Variants in NFX1 observed in about 807,000 individuals in gnomAD.
NFX1 encodes nuclear transcription factor, X-box binding 1.
A neutral mutation model predicts 137.2 loss-of-function variants in NFX1; 69 were observed. The ratio of observed to expected loss-of-function variants is 0.50; its 90% CI spans 0.41 to 0.61. The LOEUF (loss-of-function observed/expected upper bound fraction) is 0.61. Among genes scored for constraint, NFX1 ranks in the 20% least tolerant of loss-of-function variants. The pLI, the probability that NFX1 is intolerant of heterozygous loss-of-function variation, is 0.00. For missense variants in NFX1, 1,167 were observed against 1,391.0 expected (o/e 0.84, Z 2.56); for synonymous variants, 495 against 474.1 (o/e 1.04, Z -0.57).
intron 2 of NFX1, among the ~76,000 whole-genome samples, chr9:33,297,620 G>C (rs1320216553): frequency 1.3e-5 from 2 of 152,218 alleles, no homozygotes; most frequent in African/African-American, 4.8e-5. Context: ...TTCAGTCACT[G>C]GTTGTTGGTA....
At chr9:33,320,649 CTT>C (rs1822350854) in intron 9 of NFX1, among the ~76,000 whole-genome samples, 1 of 152,150 alleles carries the variant, frequency 6.6e-6, no homozygotes, top group South Asian at 2.1e-4. Context: ...CTGACTCAGT[CTT>C]TTGGGAATGT....
intron 19 of NFX1, among the ~76,000 whole-genome samples, chr9:33,357,797 G>A (rs1823861761): frequency 6.7e-6 from 1 of 149,928 alleles, no homozygotes; most frequent in Admixed American, 6.7e-5. Flanking sequence ...CTCCTGCCTT[G>A]GCCCCACAAA....
Position 33,294,572 on chromosome 9 carries a change from G to C in NFX1, c.178G>C (p.Val60Leu), listed in dbSNP as rs756577903. Reference sequence around the variant, plus strand: ...ACCTCCCTGTCACCTTTCCAGGCAGGTCCCTTATGATGAAATCTCTGCTGT... The same window carrying C: ...ACCTCCCTGTCACCTTTCCAGGCAGCTCCCTTATGATGAAATCTCTGCTGT... ...SPPPCHLSRQ[V>L]PYDEISAVHQ... Residue 60 changes from valine to leucine, a missense_variant, in exon 2 of 24, where the codon GTC becomes CTC. This residue lies in a region of NFX1 where 367 missense variants were observed against 386.7 expected (regional missense o/e 0.95). Coordinates refer to ENST00000379540, the MANE Select transcript of NFX1 (RefSeq NM_002504.6). The C allele has an allele frequency of 7.4e-6, 12 of 1,614,150 alleles. No homozygotes were observed. In the South Asian group the frequency reaches 1.3e-4, roughly 18 times the overall value.
intron 13 of NFX1, among the ~76,000 whole-genome samples, 172 bp from the exon 14 acceptor site, chr9:33,343,897 T>C (rs1217902182): frequency 6.6e-6 from 1 of 152,218 alleles, no homozygotes; most frequent in Non-Finnish European, 1.5e-5. Context: ...CCAGCTTAGC[T>C]TTAATAAAAT....
At chr9:33,334,934 C>T (rs1010883219) in intron 11 of NFX1, among the ~76,000 whole-genome samples, 28 of 152,196 alleles carry the variant, frequency 1.8e-4, no homozygotes, top group African/African-American at 6.5e-4. Context: ...AATGAATCCC[C>T]ACGTACCTAT....
At chr9:33,327,457 C>T (rs1336866786) in intron 9 of NFX1, among the ~76,000 whole-genome samples, 1 of 152,204 alleles carries the variant, frequency 6.6e-6, no homozygotes, top group Non-Finnish European at 1.5e-5. Context: ...CTCCGCCTCC[C>T]AGGTTCAAGC....
At chr9:33,369,679 A>G (rs1290323880) in intron 23 of NFX1, among the ~76,000 whole-genome samples, 3 of 152,250 alleles carry the variant, frequency 2.0e-5, no homozygotes, top group African/African-American at 4.8e-5. Context: ...AGAATTTGTT[A>G]TCTCACAGAA....
chr9:33,342,557 C>T (rs974537464), intron 12 of NFX1, among the ~76,000 whole-genome samples, 189 bp from the exon 13 acceptor site: 7 of 152,214 alleles, frequency 4.6e-5, no homozygotes, highest in African/African-American at 1.7e-4. Flanking sequence ...CAGTATTGAT[C>T]ACCTCATGAC....
chr9:33,364,196 G>A (rs1425949723), intron 20 of NFX1, 88 bp downstream of exon 20: 7 of 806,388 alleles, frequency 8.7e-6, no homozygotes, highest in African/African-American at 1.8e-5. Flanking sequence ...TACTCCTCCT[G>A]TGATTAAGCC....
At position 33,367,508 on chromosome 9, in the gene NFX1, T is replaced by G. The variant is rs1412921817; in HGVS notation, c.3186-7T>G. 3 of 1,613,496 alleles carry G rather than the reference T, an allele frequency of 1.9e-6. No homozygotes were observed. The highest frequency in any genetic ancestry group is 2.5e-6 in the Non-Finnish European group (3 of 1,179,562). ...TTTTCAATGCTTGGTGTTTTGACTT[T>G]TATCAGGGGGAAGTCCGTTTGTCCT... On this transcript the variant is annotated splice_region_variant and splice_polypyrimidine_tract_variant and intron_variant, in intron 22 of 23. Coordinates refer to ENST00000379540, the MANE Select transcript of NFX1 (RefSeq NM_002504.6).
chr9:33,295,236 T>A lies in NFX1; in HGVS notation c.842T>A (p.Ile281Asn), dbSNP rs1821311333. ...NAGHRNNMGP[I>N]PKDDLNERPA... is the part of the protein sequence containing the mutation. ...GGACACAGAAACAACATGGGCCCCA[T>A]TCCAAAGGATGACCTCAATGAAAGA... The change falls in exon 2 of 24, where the codon ATT (isoleucine) becomes AAT (asparagine). Residue 281 changes from isoleucine (I) to asparagine (N), a missense_variant. Physicochemically the swap from Ile to Asn is moderately radical, Grantham distance 149. Around this residue, in one of 3 missense-constraint regions of NFX1, gnomAD observed 367 missense variants for 386.7 expected, o/e 0.95. Transcript: ENST00000379540. 6.2e-7 allele frequency: 1 copy of A among 1,613,918 alleles called. No homozygotes were observed. The highest frequency in any genetic ancestry group is 8.5e-7 in the Non-Finnish European group (1 of 1,179,970).
At chr9:33,308,829 A>G (rs1374083273) in intron 5 of NFX1, among the ~76,000 whole-genome samples, 1 of 152,052 alleles carries the variant, frequency 6.6e-6, no homozygotes, top group Non-Finnish European at 1.5e-5. Flanking sequence ...TGGTATTTCT[A>G]CTGCTTGGAG....
At chr9:33,363,383 C>G (rs1824071550) in intron 19 of NFX1, among the ~76,000 whole-genome samples, 4 of 151,578 alleles carry the variant, frequency 2.6e-5, no homozygotes, top group Admixed American at 2.6e-4. Flanking sequence ...CTCCTGAGTT[C>G]AAGTGATTCT....
chr9:33,364,819 T>G lies in NFX1; in HGVS notation c.3039+45T>G, dbSNP rs201175137. 3.7e-5 allele frequency: 59 copies of G among 1,601,988 alleles called. No homozygotes were observed. The East Asian group carries it at 1.3e-3, about 34-fold the overall frequency. ...ACTGGACATTTCTCTAAGGCCAGCT[T>G]GATGAAAAAAAAAAAGCAATCAAGT... On this transcript the variant is annotated intron_variant, in intron 21 of 23. Transcript: ENST00000379540.
At chr9:33,338,409 T>G in intron 11 of NFX1, 101 bp from the exon 12 acceptor site, 1 of 1,015,892 alleles carries the variant, frequency 9.8e-7, no homozygotes, top group Non-Finnish European at 1.5e-6. Flanking sequence ...ATTGTATTAT[T>G]ACTATTGTAT....
At chr9:33,299,793 A>G (rs1821487260) in intron 2 of NFX1, among the ~76,000 whole-genome samples, 1 of 152,230 alleles carries the variant, frequency 6.6e-6, no homozygotes. Context: ...GACACTGGAA[A>G]TACTACACTC....
intron 2 of NFX1, 120 bp downstream of exon 2, chr9:33,295,547 A>C: frequency 1.2e-5 from 14 of 1,172,882 alleles, no homozygotes; most frequent in South Asian, 1.7e-5. Flanking sequence ...AAAAAGTCTC[A>C]ATCTTTATTC....
intron 12 of NFX1, among the ~76,000 whole-genome samples, chr9:33,339,108 CTT>C (rs892131319): frequency 2.6e-5 from 4 of 152,034 alleles, no homozygotes; most frequent in East Asian, 1.9e-4. Context: ...CTCATATACT[CTT>C]TTATATATAA....
chr9:33,332,777 TG>T (rs1180609801), intron 11 of NFX1: 3 of 341,880 alleles, frequency 8.8e-6, no homozygotes, highest in African/African-American at 6.2e-5. Flanking sequence ...GATATGTATA[TG>T]AAAAAATATG....
Sources: allele counts gnomAD v4.1 joint callset (sites outside exome capture counted in the v4.1 genomes callset), GRCh38; gene constraint gnomAD v4.1.1; regional missense constraint gnomAD v4.1.1; transcripts MANE v1.5; gene names NCBI Gene and HGNC (gene_info 2026-07-23, HGNC 2026-07-21).